The following USP50 variants were observed in gnomAD, a reference collection of about 807,000 sequenced individuals.
The protein encoded by USP50 is ubiquitin carboxyl-terminal hydrolase 50.
In USP50, 37 loss-of-function variants were observed where a neutral mutation model predicts 39.2. The ratio of observed to expected loss-of-function variants is 0.94; its 90% confidence interval spans 0.73 to 1.24. USP50 has a LOEUF of 1.24. Ranked by LOEUF, USP50 falls within the 50% of genes most tolerant of loss-of-function variation. The pLI, the probability that USP50 is intolerant of heterozygous loss-of-function variation, is 0.00. For missense variants in USP50, 374 were observed against 398.2 expected (o/e 0.94, Z 0.52); for synonymous variants, 139 against 144.5 (o/e 0.96, Z 0.27).
chr15:50,538,838 C>G lies in USP50; in HGVS notation c.674G>C (p.Cys225Ser), dbSNP rs1469531487. 12 of 1,609,132 alleles carry G rather than the reference C, an allele frequency of 7.5e-6. No homozygotes were observed. The highest frequency in any genetic ancestry group is 1.0e-5 in the Non-Finnish European group (12 of 1,178,290). Residue 225 changes from cysteine to serine, a missense_variant, in exon 5 of 7, where the codon TGT (cysteine) becomes TCT (serine). Physicochemically the swap from Cys to Ser is moderately radical, Grantham distance 112. Transcript: ENST00000532404. ...YECSLRDCLQ[C>S]FFQQDALTWN... ...GGTCAGTGCGTCTTGTTGAAAAAAA[C>G]ATTGGAGACAGTCCTGTTAAGGAAA...
intron 6 of USP50, chr15:50,508,251 T>A (rs2141347989): frequency 6.6e-6 from 1 of 152,122 alleles, no homozygotes; most frequent in South Asian, 2.1e-4. Flanking sequence ...TAGAAGTAAA[T>A]AGTAATGAAA....
At chr15:50,506,347 T>A (rs1368269777) in intron 6 of USP50, 1 of 152,026 alleles carries the variant, frequency 6.6e-6, no homozygotes, top group Admixed American at 6.6e-5. Flanking sequence ...CAGCACAAAC[T>A]CTATTGTGAA....
At chr15:50,542,861 G>A (rs1177058446) in intron 3 of USP50, among the ~76,000 whole-genome samples, 2 of 152,108 alleles carry the variant, frequency 1.3e-5, no homozygotes, top group Admixed American at 1.3e-4. Flanking sequence ...AATAGCTATA[G>A]TTTGCAACCT....
downstream of USP50, chr15:50,498,480 A>C (rs746242786): frequency 1.2e-4 from 158 of 1,355,238 alleles, no homozygotes; most frequent in Non-Finnish European, 1.5e-4. Flanking sequence ...TAAAATTCCA[A>C]GTCTTTGTAT....
At chr15:50,514,272 C>T (rs3098183) in intron 6 of USP50, 45,106 of 151,962 alleles carry the variant, frequency 0.3, 7,178 homozygotes, top group East Asian at 0.57. Flanking sequence ...CAGGTACAAG[C>T]ACAGTTAGGG....
chr15:50,543,888 C>A, intron 2 of USP50, 95 bp from the exon 3 acceptor site: 2 of 1,252,754 alleles, frequency 1.6e-6, no homozygotes, highest in Non-Finnish European at 2.3e-6. Context: ...AATGGAAGAA[C>A]GTGGTGTCTC....
intron 6 of USP50, chr15:50,503,482 G>T (rs1470914286): frequency 2.0e-5 from 3 of 152,218 alleles, no homozygotes; most frequent in Non-Finnish European, 4.4e-5. Context: ...CCCCTACAAG[G>T]TGAGAAGTTG....
In USP50 at chr15:50,529,769, T is replaced by A. The variant is rs1256656859; in HGVS notation, c.936+28A>T. On this transcript the variant is annotated intron_variant, in intron 6 of 6. Coordinates refer to ENST00000532404, the MANE Select transcript of USP50 (RefSeq NM_203494.5). ...TTCTGGAGTTTTCTTTAAAATTGGA[T>A]TACTTTTAACAGTTTGTTTTTACTC... is the stretch of plus-strand genomic sequence containing the variant. The A allele has an allele frequency of 3.8e-6, 6 of 1,594,354 alleles. No individual in the cohort carries two copies. The African/African-American group carries it at 5.4e-5, about 14-fold the overall frequency.
At chr15:50,496,112 A>T (rs1324934367), downstream of USP50, 3 of 1,524,222 alleles carry the variant, frequency 2.0e-6, no homozygotes, top group East Asian at 4.5e-5. Flanking sequence ...AGAGAAAATG[A>T]TTTATTGGAT....
chr15:50,539,111 TTG>T (rs1491453589), intron 4 of USP50, among the ~76,000 whole-genome samples: 1 of 134,346 alleles, frequency 7.4e-6, no homozygotes, highest in East Asian at 2.9e-4. Flanking sequence ...TTTTTTGGTT[TTG>T]TTTTTTTTTT....
At chr15:50,495,491 G>T (rs993973777) in intron 1 of USP50, among the ~76,000 whole-genome samples, 3 of 148,790 alleles carry the variant, frequency 2.0e-5, no homozygotes, top group African/African-American at 7.6e-5. Context: ...ATTGGAGGGG[G>T]GGGTCTCACT....
rs1275553129 is a variant in USP50 at position 50,538,753 on chromosome 15, G to A, written c.759C>T (p.Ala253=). 6 of 1,612,660 alleles carry A rather than the reference G, an allele frequency of 3.7e-6. No individual in the cohort carries two copies. Among genetic ancestry groups the A allele is most frequent in the Non-Finnish European group, 5.1e-6 (6 of 1,179,416 alleles). ...TTATTTTTGGTGCTTTGGAAATACT[G>A]GCCCTCACAGCAGTTTCTTGCTTGG... ...CETKQETAVR[A]SISKAPKIII... Residue 253 remains alanine, a synonymous_variant, in exon 5 of 7, where the codon GCC becomes GCT. Transcript: ENST00000532404.
chr15:50,504,542 C>T (rs1371118314), intron 6 of USP50: 1 of 152,122 alleles, frequency 6.6e-6, no homozygotes, highest in Admixed American at 6.6e-5. Flanking sequence ...AAACAAAAAA[C>T]ACCAGAAAAG....
At chr15:50,542,463 T>TG (rs1491292888) in intron 3 of USP50, among the ~76,000 whole-genome samples, 1 of 128,156 alleles carries the variant, frequency 7.8e-6, no homozygotes, top group Non-Finnish European at 1.6e-5. Context: ...TATGTTTTTG[T>TG]TTTTTTTTTT....
intron 5 of USP50, among the ~76,000 whole-genome samples, chr15:50,533,111 G>C (rs1335990449): frequency 1.3e-5 from 2 of 149,942 alleles, no homozygotes; most frequent in East Asian, 3.9e-4. Context: ...TTTGAGACCA[G>C]CCTGGGCAAC....
In USP50 at chr15:50,538,716, G is replaced by C; in HGVS notation, c.796C>G (p.Leu266Val). 6.3e-7 allele frequency: 1 copy of C among 1,583,908 alleles called. No individual in the cohort carries two copies. The highest frequency in any genetic ancestry group is 8.6e-7 in the Non-Finnish European group (1 of 1,164,990). Residue 266 changes from leucine to valine, a missense_variant, in exon 5 of 7, where the codon CTA (leucine) becomes GTA (valine). By Grantham distance (32) the Leu-to-Val change is conservative. Transcript: ENST00000532404. ...AAATGTAAAAATCCATACCTTTTTA[G>C]GTGGAAAATAATTATTTTTGGTGCT... ...SKAPKIIIFHLKRFDIQGTTK... is the reference protein window; with the variant it reads ...SKAPKIIIFHVKRFDIQGTTK...
intron 6 of USP50, among the ~76,000 whole-genome samples, chr15:50,526,940 G>A (rs138989858): frequency 8.1e-4 from 123 of 152,282 alleles, no homozygotes; most frequent in African/African-American, 2.8e-3. Flanking sequence ...AACAGTGCCT[G>A]ATACATAATA....
At position 50,546,650 on chromosome 15, in the gene USP50, T is replaced by C; in HGVS notation, c.-125A>G. On this transcript the variant is annotated 5_prime_UTR_variant, in exon 1 of 7. Coordinates refer to ENST00000532404, the MANE Select transcript of USP50 (RefSeq NM_203494.5). ...AAACAATTGATATGCTCCTCTCTCT[T>C]CCAGTAGCTGCGAACTGATTTTCAC... 9.9e-7 allele frequency: 1 copy of C among 1,013,996 alleles called. No individual in the cohort carries two copies. 62.8% of individuals were successfully genotyped at this position (1,013,996 alleles called of 1,614,324 possible).
At chr15:50,521,215 T>C (rs931901441) in intron 6 of USP50, among the ~76,000 whole-genome samples, 1 of 152,112 alleles carries the variant, frequency 6.6e-6, no homozygotes, top group Non-Finnish European at 1.5e-5. Flanking sequence ...CAAATTTTTG[T>C]ATTTTTAGTA....
Sources: allele counts gnomAD v4.1 joint callset (sites outside exome capture counted in the v4.1 genomes callset), GRCh38; gene constraint gnomAD v4.1.1; transcripts MANE v1.5; gene names NCBI Gene and HGNC (gene_info 2026-07-23, HGNC 2026-07-21).